The following KLHL5 variants were observed in gnomAD, a reference collection of about 807,000 sequenced individuals.
The protein encoded by KLHL5 is kelch-like protein 5.
Under a neutral mutation model 77.7 loss-of-function variants are expected in KLHL5, and 48 were observed. The ratio of observed to expected loss-of-function variants is 0.62; its 90% CI spans 0.49 to 0.79. The LOEUF (loss-of-function observed/expected upper bound fraction) is 0.79, where lower values mean the gene tolerates loss of function less well. Among genes scored for constraint, KLHL5 ranks in the 30% least tolerant of loss-of-function variants. KLHL5 has a pLI of 0.00. For missense variants in KLHL5, 723 were observed against 859.7 expected (o/e 0.84, Z 1.99); for synonymous variants, 260 against 297.0 (o/e 0.88, Z 1.28).
chr4:39,062,375 A>G lies in KLHL5; in HGVS notation c.-278A>G, dbSNP rs1426978653. 5.8e-5 allele frequency: 84 copies of G among 1,441,974 alleles called. No homozygotes were observed. The East Asian group carries it at 2.0e-3, about 35-fold the overall frequency. 89.3% of individuals were successfully genotyped at this position (1,441,974 alleles called of 1,614,324 possible). On this transcript the variant is annotated 5_prime_UTR_variant, in exon 1 of 11. Coordinates refer to ENST00000504108, the MANE Select transcript of KLHL5 (RefSeq NM_015990.5). ...CAGTATGGGAAAGGAGAGCCGGGAA[A>G]GTGGTCTAGCTGCTTCAGGATAGGT... is the stretch of plus-strand genomic sequence containing the variant.
intron 1 of KLHL5, among the ~76,000 whole-genome samples, chr4:39,047,304 G>C (rs1455970434): frequency 6.6e-6 from 1 of 152,182 alleles, no homozygotes; most frequent in Non-Finnish European, 1.5e-5. Context: ...TGTAGTCCCA[G>C]CTACTAAGGA....
At chr4:39,095,954 C>G (rs1721027242) in intron 5 of KLHL5, among the ~76,000 whole-genome samples, 2 of 151,896 alleles carry the variant, frequency 1.3e-5, no homozygotes, top group Admixed American at 6.6e-5. Flanking sequence ...TGAAAGGCTG[C>G]ACACCAGGTT....
intron 1 of KLHL5, among the ~76,000 whole-genome samples, chr4:39,055,764 A>G (rs1289154987): frequency 6.6e-6 from 1 of 152,158 alleles, no homozygotes; most frequent in Non-Finnish European, 1.5e-5. Flanking sequence ...TTAGCTTATC[A>G]TATGCATTCT....
chr4:39,074,958 G>C (rs1191622931), intron 1 of KLHL5, among the ~76,000 whole-genome samples: 1 of 152,088 alleles, frequency 6.6e-6, no homozygotes, highest in African/African-American at 2.4e-5. Flanking sequence ...AGGGTGAGGA[G>C]GAAAGAACTG....
rs750804158 is a variant in KLHL5, at chr4:39,096,794, C to T, written c.1216C>T (p.Pro406Ser). Residue 406 changes from proline (P) to serine (S), a missense_variant, in exon 6 of 11, where the codon CCC becomes TCC. Around this residue, in one of 3 missense-constraint regions of KLHL5, gnomAD observed 288 missense variants for 400.3 expected, o/e 0.72. Coordinates refer to ENST00000504108, the MANE Select transcript of KLHL5 (RefSeq NM_015990.5). ...MKYHLLPERR[P>S]MLQSPRTKPR... ...GTACCATTTATTACCAGAGAGACGA[C>T]CCATGTTACAAAGTCCTCGGACAAA... 2.3e-5 allele frequency: 37 copies of T among 1,613,702 alleles called. 2 individuals carry two copies. In the South Asian group the frequency reaches 4.0e-4, roughly 17 times the overall value.
chr4:39,141,533 G>T, the KLHL5 span, among the ~76,000 whole-genome samples: 1 of 151,930 alleles, frequency 6.6e-6, no homozygotes, highest in African/African-American at 2.4e-5. Context: ...GGATGGTCTC[G>T]ATCTCCTGAC....
At chr4:39,068,263 T>C (rs1449062715) in intron 1 of KLHL5, among the ~76,000 whole-genome samples, 1 of 151,792 alleles carries the variant, frequency 6.6e-6, no homozygotes, top group Non-Finnish European at 1.5e-5. Flanking sequence ...TTAAATTAAA[T>C]TCCTCTAATG....
At chr4:39,055,825 C>T (rs1716967187) in intron 1 of KLHL5, among the ~76,000 whole-genome samples, 1 of 152,162 alleles carries the variant, frequency 6.6e-6, no homozygotes, top group Admixed American at 6.5e-5. Context: ...AATGTCAGTT[C>T]CTGCATTGTA....
upstream of KLHL5, among the ~76,000 whole-genome samples, chr4:39,061,036 A>G (rs1364079675): frequency 2.0e-5 from 3 of 152,144 alleles, no homozygotes; most frequent in Non-Finnish European, 4.4e-5. Context: ...TTTTCTGTAG[A>G]AATCTATCAT....
At chr4:39,140,092 T>C in the KLHL5 span, among the ~76,000 whole-genome samples, 1 of 152,118 alleles carries the variant, frequency 6.6e-6, no homozygotes, top group Admixed American at 6.5e-5. Flanking sequence ...CAGGGTGTGG[T>C]GGTGCATGCC....
At chr4:39,139,080 G>C in the KLHL5 span, among the ~76,000 whole-genome samples, 1 of 152,088 alleles carries the variant, frequency 6.6e-6, no homozygotes, top group African/African-American at 2.4e-5. Context: ...TCAGGAGTTG[G>C]AGACCGGCCT....
intron 1 of KLHL5, among the ~76,000 whole-genome samples, chr4:39,069,810 C>G (rs905279975): frequency 2.0e-5 from 3 of 151,952 alleles, no homozygotes; most frequent in African/African-American, 7.3e-5. Flanking sequence ...TTGAAAATGA[C>G]AGAAGCCCAA....
chr4:39,122,210 T>G lies in KLHL5; in HGVS notation c.*1144T>G, dbSNP rs370069210. 2 of 152,434 alleles carry G rather than the reference T, an allele frequency of 1.3e-5. No homozygotes were observed. Among genetic ancestry groups the G allele is most frequent in the East Asian group, 1.9e-4 (1 of 5,200 alleles). 9.4% of individuals were successfully genotyped at this position (152,434 alleles called of 1,614,324 possible). A position where few individuals can be genotyped will look rare whatever the true frequency, so the allele number is the denominator to read the frequency against. On this transcript the variant is annotated 3_prime_UTR_variant, in exon 11 of 11. Coordinates refer to ENST00000504108, the MANE Select transcript of KLHL5 (RefSeq NM_015990.5). The stretch of plus-strand genomic sequence containing the variant: ...GATAAATCCTATAAGATATAAGTCA[T>G]TGAGATGTCTAAGATGCTTTTTATT...
intron 9 of KLHL5, among the ~76,000 whole-genome samples, 186 bp from the exon 10 acceptor site, chr4:39,114,973 A>G (rs1181575331): frequency 6.6e-6 from 1 of 152,180 alleles, no homozygotes; most frequent in South Asian, 2.1e-4. Flanking sequence ...TGTTAAGTGG[A>G]TCTATTAATA....
intron 1 of KLHL5, among the ~76,000 whole-genome samples, chr4:39,067,882 C>T (rs1376279090): frequency 1.3e-5 from 2 of 151,910 alleles, no homozygotes; most frequent in Non-Finnish European, 2.9e-5. Context: ...GGGGTTTCAC[C>T]GCGTTGGCCA....
At chr4:39,113,812 C>T (rs1223724279) in intron 9 of KLHL5, among the ~76,000 whole-genome samples, 1 of 152,154 alleles carries the variant, frequency 6.6e-6, no homozygotes, top group Non-Finnish European at 1.5e-5. Flanking sequence ...GAAAGGCAGC[C>T]ATTGTGGCTG....
chr4:39,047,536 A>T (rs1389388160), intron 1 of KLHL5, among the ~76,000 whole-genome samples: 1 of 152,254 alleles, frequency 6.6e-6, no homozygotes, highest in Non-Finnish European at 1.5e-5. Context: ...TTTGTTAAGG[A>T]CCAAAGTGAA....
At chr4:39,046,345 A>C (rs933655921) in intron 1 of KLHL5, among the ~76,000 whole-genome samples, 2 of 152,212 alleles carry the variant, frequency 1.3e-5, no homozygotes, top group African/African-American at 4.8e-5. Context: ...TCAAGAAAAA[A>C]GATAATACCA....
At chr4:39,073,511 T>A (rs926390479) in intron 1 of KLHL5, among the ~76,000 whole-genome samples, 18 of 149,046 alleles carry the variant, frequency 1.2e-4, no homozygotes, top group Non-Finnish European at 2.2e-4. Context: ...GTTCTTGAAT[T>A]TATGGCTTAT....
Sources: allele counts gnomAD v4.1 joint callset (sites outside exome capture counted in the v4.1 genomes callset), GRCh38; gene constraint gnomAD v4.1.1; regional missense constraint gnomAD v4.1.1; transcripts MANE v1.5; gene names NCBI Gene and HGNC (gene_info 2026-07-23, HGNC 2026-07-21).